SPNS3: variants seen among roughly 807,000 people sequenced by gnomAD.
The protein encoded by SPNS3 is SPNS lysolipid transporter 3, sphingosine-1-phosphate (putative), also known as protein spinster homolog 3.
SPNS3 carries 51 observed loss-of-function variants against 54.4 expected under a neutral mutation model. That is an observed-to-expected ratio of 0.94 (90% CI 0.75 to 1.18). The LOEUF (loss-of-function observed/expected upper bound fraction) is 1.18. SPNS3 is among the 50% of genes most tolerant of loss of function. SPNS3 has a pLI of 0.00. For missense variants in SPNS3, 669 were observed against 677.4 expected, an observed-to-expected ratio of 0.99 and a Z score of 0.14; for synonymous variants, 309 against 294.7, an observed-to-expected ratio of 1.05 and a Z score of -0.50.
intron 8 of SPNS3, among the ~76,000 whole-genome samples, chr17:4,477,639 A>G (rs1213978702): frequency 6.6e-6 from 1 of 152,180 alleles, no homozygotes; most frequent in Non-Finnish European, 1.5e-5. Context: ...GGGGGTGGGC[A>G]CTGGGCAGGG....
chr17:4,475,380 C>G (rs571105674), intron 8 of SPNS3, among the ~76,000 whole-genome samples: 1 of 152,122 alleles, frequency 6.6e-6, no homozygotes, highest in Non-Finnish European at 1.5e-5. Context: ...AGGAGATGGC[C>G]GGGGAGGCCT....
intron 8 of SPNS3, among the ~76,000 whole-genome samples, chr17:4,467,853 AG>A (rs1225235441): frequency 5.9e-5 from 9 of 151,978 alleles, no homozygotes; most frequent in African/African-American, 2.2e-4. Flanking sequence ...TTTAGTAGAG[AG>A]GGGGGTTTCA....
Position 4,434,053 on chromosome 17 carries a change from C to G in SPNS3, c.86C>G (p.Pro29Arg). 6.2e-7 allele frequency: 1 copy of G among 1,610,006 alleles called. No homozygotes were observed. The highest frequency in any genetic ancestry group is 8.5e-7 in the Non-Finnish European group (1 of 1,178,232). Residue 29 changes from proline (P) to arginine (R), a missense_variant, in exon 1 of 12, where the codon CCC (proline) becomes CGC (arginine). Coordinates refer to ENST00000355530, the MANE Select transcript of SPNS3 (RefSeq NM_182538.5). Reference protein sequence around the residue: ...GQSPGPGRQCPPPITPTSWSL... With the variant: ...GQSPGPGRQCRPPITPTSWSL... ...TCCCCAGGGCCAGGCAGGCAGTGTC[C>G]CCCTCCCATCACGCCCACCTCCTGG...
At position 4,453,158 on chromosome 17, in the gene SPNS3, C is replaced by G. The variant is rs775375062; in HGVS notation, c.1066C>G (p.Leu356Val). 12 of 1,613,898 alleles carry G rather than the reference C, an allele frequency of 7.4e-6. No individual in the cohort carries two copies. Among genetic ancestry groups the G allele is most frequent in the Non-Finnish European group, 9.3e-6 (11 of 1,179,992 alleles). The change falls in exon 8 of 12, where the codon CTC (leucine) becomes GTC (valine). Residue 356 changes from leucine (L) to valine (V), a missense_variant. Physicochemically the swap from Leu to Val is conservative, Grantham distance 32. Transcript: ENST00000355530. Reference sequence around the variant, plus strand: ...CAGCCTGCTTGCCACAGCCCCCTGCCTCTACCTGGCTCTCGTCCTGGCCCC... The same window carrying G: ...CAGCCTGCTTGCCACAGCCCCCTGCGTCTACCTGGCTCTCGTCCTGGCCCC... ...ASSLLATAPC[L>V]YLALVLAPTT...
chr17:4,477,114 C>T (rs1972022882), intron 8 of SPNS3, among the ~76,000 whole-genome samples: 2 of 152,256 alleles, frequency 1.3e-5, no homozygotes, highest in African/African-American at 4.8e-5. Context: ...CCCCACTCCC[C>T]TCTTCCCCCC....
Position 4,445,207 on chromosome 17 carries a change from T to A in SPNS3, c.402+39T>A, listed in dbSNP as rs763573675. ...CCCCTGTCCAGGCCCCTGAGGCCCC[T>A]TCCCCACCTGCTTCCTCCCTGATTC... is the stretch of plus-strand genomic sequence containing the variant. On this transcript the variant is annotated intron_variant, in intron 3 of 11. Coordinates refer to ENST00000355530, the MANE Select transcript of SPNS3 (RefSeq NM_182538.5). 1.1e-5 allele frequency: 18 copies of A among 1,569,462 alleles called. No homozygotes were observed. The Admixed American group carries it at 3.2e-4, about 28-fold the overall frequency.
chr17:4,486,095 G>T lies in SPNS3; in HGVS notation c.1180-133G>T. 1.5e-6 allele frequency: 1 copy of T among 684,820 alleles called. No homozygotes were observed. Among genetic ancestry groups the T allele is most frequent in the Non-Finnish European group, 2.3e-6 (1 of 439,238 alleles). 42.4% of individuals were successfully genotyped at this position (684,820 alleles called of 1,614,324 possible). ...CTGGGGTGGGACTTTAGACCTTGGG[G>T]ACCGTCGACTCCCTCCCATCCCACT... On this transcript the variant is annotated intron_variant, in intron 9 of 11. Transcript: ENST00000355530. The surrounding 1 kb of genome is among the most constrained non-coding windows in gnomAD (Gnocchi z 5.5).
intron 9 of SPNS3, among the ~76,000 whole-genome samples, chr17:4,482,880 T>A (rs562778351): frequency 8.0e-4 from 121 of 152,188 alleles, no homozygotes; most frequent in Admixed American, 3.3e-3. Flanking sequence ...GGAGGGAGGA[T>A]CCCAGGGGCA....
chr17:4,445,305 G>A, intron 3 of SPNS3, 137 bp downstream of exon 3: 3 of 913,794 alleles, frequency 3.3e-6, no homozygotes, highest in South Asian at 1.9e-5. Context: ...TTGCACTGAG[G>A]GCTGGGAGAG....
At chr17:4,469,937 C>T (rs548304906) in intron 8 of SPNS3, among the ~76,000 whole-genome samples, 1 of 152,226 alleles carries the variant, frequency 6.6e-6, no homozygotes, top group East Asian at 1.9e-4. Context: ...AACCGTTATT[C>T]ACGTTTTCAT....
At chr17:4,464,200 C>T (rs1971618076) in intron 8 of SPNS3, among the ~76,000 whole-genome samples, 1 of 152,240 alleles carries the variant, frequency 6.6e-6, no homozygotes, top group Admixed American at 6.5e-5. Flanking sequence ...AGGCTTCCAT[C>T]TCTTCCATCT....
intron 8 of SPNS3, among the ~76,000 whole-genome samples, chr17:4,462,680 C>T (rs1303765608): frequency 0.02 from 3 of 148 alleles, no homozygotes; most frequent in African/African-American, 0.037. Context: ...CATCCACCCT[C>T]CCACCCACCC....
intron 8 of SPNS3, among the ~76,000 whole-genome samples, chr17:4,454,358 T>C (rs1971247242): frequency 1.3e-5 from 2 of 152,204 alleles, no homozygotes; most frequent in African/African-American, 4.8e-5. Context: ...GCTAGACCTC[T>C]CCTCCTTTCC....
At chr17:4,438,133 T>G (rs955040423) in intron 1 of SPNS3, among the ~76,000 whole-genome samples, 1 of 152,206 alleles carries the variant, frequency 6.6e-6, no homozygotes, top group African/African-American at 2.4e-5. Context: ...TTGATCTTCA[T>G]GTGCATGGGG....
chr17:4,437,440 GT>G (rs1970741872), intron 1 of SPNS3, among the ~76,000 whole-genome samples: 1 of 152,130 alleles, frequency 6.6e-6, no homozygotes, highest in Non-Finnish European at 1.5e-5. Flanking sequence ...GCCGAGGCAG[GT>G]GGATCACCTG....
chr17:4,438,940 CTG>C (rs35255085), intron 1 of SPNS3, among the ~76,000 whole-genome samples: 48,619 of 149,042 alleles, frequency 0.33, 8,332 homozygotes, highest in Admixed American at 0.41. Flanking sequence ...GAGTGAGTTC[CTG>C]TGTGTGTGTG....
At chr17:4,480,966 C>T (rs1444785404) in intron 9 of SPNS3, among the ~76,000 whole-genome samples, 1 of 152,162 alleles carries the variant, frequency 6.6e-6, no homozygotes, top group African/African-American at 2.4e-5. Context: ...CTCCATGTTG[C>T]TGCTTCCTCC....
intron 8 of SPNS3, among the ~76,000 whole-genome samples, chr17:4,460,722 G>A (rs565412180): frequency 1.3e-5 from 2 of 151,958 alleles, no homozygotes; most frequent in South Asian, 4.2e-4. Flanking sequence ...GATTACAGGT[G>A]TGAGCCACCG....
chr17:4,474,059 C>T (rs996145765), intron 8 of SPNS3, among the ~76,000 whole-genome samples: 2 of 152,232 alleles, frequency 1.3e-5, no homozygotes, highest in Admixed American at 1.3e-4. Flanking sequence ...CTCGTCCTTC[C>T]TCTGAGGGCC....
Sources: allele counts gnomAD v4.1 joint callset (sites outside exome capture counted in the v4.1 genomes callset), GRCh38; gene constraint gnomAD v4.1.1; non-coding constraint Gnocchi (gnomAD v3.1); transcripts MANE v1.5; gene names NCBI Gene and HGNC (gene_info 2026-07-23, HGNC 2026-07-21).